The following ITPR1 variants were observed in gnomAD, a reference collection of about 807,000 sequenced individuals.
The protein encoded by ITPR1 is inositol 1,4,5-trisphosphate receptor type 1.
A neutral mutation model predicts 318.4 loss-of-function variants in ITPR1; 96 were observed. That is an observed-to-expected ratio of 0.30 (90% CI 0.26 to 0.36). ITPR1 has a LOEUF of 0.36. ITPR1 is among the 10% of genes least tolerant of loss of function. The pLI, the probability that ITPR1 is intolerant of heterozygous loss-of-function variation, is 1.00. For missense variants in ITPR1, 2,440 were observed against 3,460.2 expected, an observed-to-expected ratio of 0.71 and a Z score of 7.40; for synonymous variants, 1,312 against 1,289.9, an observed-to-expected ratio of 1.02 and a Z score of -0.37.
Position 4,779,779 on chromosome 3 carries a change from A to G in ITPR1, c.6387+134A>G. 3.6e-6 allele frequency: 2 copies of G among 556,056 alleles called. No individual in the cohort carries two copies. The highest frequency in any genetic ancestry group is 2.6e-5 in the South Asian group (1 of 38,646). The allele number at this position is 556,056 out of a possible 1,614,324, so 34.4% of individuals were successfully genotyped here. A position where few individuals can be genotyped will look rare whatever the true frequency, so the allele number is the denominator to read the frequency against. ...GAAGTATAAAGGGAACATTGAATTC[A>G]GGCCTCTGACTGAGTAGAGAAGTGA... On this transcript the variant is annotated intron_variant, in intron 49 of 61. Transcript: ENST00000649015. This position sits in a 1 kb window ranked among gnomAD's most constrained non-coding sequence, Gnocchi z 4.0.
chr3:4,793,481 C>T (rs1175410401), intron 52 of ITPR1, among the ~76,000 whole-genome samples: 1 of 152,260 alleles, frequency 6.6e-6, no homozygotes, highest in East Asian at 1.9e-4. Flanking sequence ...TTCATCTCTT[C>T]TGTCCTCTTC....
chr3:4,679,249 G>A (rs1328392368), intron 24 of ITPR1, among the ~76,000 whole-genome samples: 1 of 152,196 alleles, frequency 6.6e-6, no homozygotes, highest in Non-Finnish European at 1.5e-5. Flanking sequence ...GTGTGTTAGC[G>A]CTCTCCAGAG....
intron 44 of ITPR1, among the ~76,000 whole-genome samples, chr3:4,762,014 C>T (rs1041456122): frequency 1.3e-5 from 2 of 151,958 alleles, no homozygotes. Flanking sequence ...CCCTGAGGGC[C>T]CTCTGCCTCC....
chr3:4,830,683 T>C (rs1246358826), intron 60 of ITPR1, among the ~76,000 whole-genome samples: 2 of 152,158 alleles, frequency 1.3e-5, no homozygotes, highest in Non-Finnish European at 2.9e-5. Flanking sequence ...AACATCCAGT[T>C]TGTCTTCCTG....
intron 40 of ITPR1, among the ~76,000 whole-genome samples, chr3:4,722,315 A>C (rs7643344): frequency 6.6e-6 from 1 of 152,060 alleles, no homozygotes; most frequent in Non-Finnish European, 1.5e-5. Flanking sequence ...TCGCCTGCTG[A>C]TGTGTGAGAT....
rs376601009 is a variant in ITPR1, at chr3:4,698,270, T to TTGAC, written c.4407+1001_4407+1004dup. Reference sequence around the variant, plus strand: ...AATCCTAGAATGTGGTATTTTCTGCTTGACTGTATGATTACTAGTGTGAGA... The same window carrying TTGAC: ...AATCCTAGAATGTGGTATTTTCTGCTTGACTGACTGTATGATTACTAGTGTGAGA... On this transcript the variant is annotated intron_variant, in intron 34 of 61. Coordinates refer to ENST00000649015, the MANE Select transcript of ITPR1 (RefSeq NM_001378452.1). Among the ~76,000 whole-genome samples, 390 of 142,118 alleles carry TTGAC rather than the reference T, an allele frequency of 2.7e-3. 5 individuals carry two copies. The highest frequency in any genetic ancestry group is 9.9e-3 in the African/African-American group (374 of 37,712). The allele number at this position is 142,118 out of a possible 152,430, so 93.2% of individuals were successfully genotyped here.
At chr3:4,723,851 CTA>C (rs892254746) in intron 40 of ITPR1, among the ~76,000 whole-genome samples, 80 of 152,132 alleles carry the variant, frequency 5.3e-4, no homozygotes, top group African/African-American at 1.9e-3. Flanking sequence ...ATACTTCTGT[CTA>C]TATCTCTGTC....
chr3:4,535,444 T>TA (rs1352419484), intron 4 of ITPR1, among the ~76,000 whole-genome samples: 4 of 130,568 alleles, frequency 3.1e-5, no homozygotes, highest in African/African-American at 1.2e-4. Flanking sequence ...TTTTTTTAAT[T>TA]TTTTTTTTTT....
intron 55 of ITPR1, among the ~76,000 whole-genome samples, chr3:4,809,768 AT>A (rs1465693813): frequency 2.6e-5 from 4 of 152,194 alleles, no homozygotes; most frequent in Non-Finnish European, 5.9e-5. Context: ...AGCCTGTGTA[AT>A]CTCTGCGGTC....
intron 16 of ITPR1, among the ~76,000 whole-genome samples, chr3:4,663,733 A>T (rs71313830): frequency 2.0e-5 from 3 of 152,218 alleles, no homozygotes; most frequent in Non-Finnish European, 2.9e-5. Flanking sequence ...TAAATGTATG[A>T]TGCCATTTAG....
rs745515101 is a variant in ITPR1 at position 4,683,818 on chromosome 3, T to C, written c.3498+20T>C. ...ACGGAGGTGAGTGAAACACAAGTTATGCTGCCAAAGTGGATGGATGGGCTT... is the reference window on the plus strand; with the variant it reads ...ACGGAGGTGAGTGAAACACAAGTTACGCTGCCAAAGTGGATGGATGGGCTT... On this transcript the variant is annotated intron_variant, in intron 28 of 61. Transcript: ENST00000649015. The C allele has an allele frequency of 1.2e-5, 19 of 1,608,468 alleles. No homozygotes were observed. In the South Asian group the frequency reaches 1.4e-4, roughly 12 times the overall value.
intron 60 of ITPR1, among the ~76,000 whole-genome samples, chr3:4,819,496 C>A (rs2049538865): frequency 6.6e-6 from 1 of 152,202 alleles, no homozygotes; most frequent in Non-Finnish European, 1.5e-5. Context: ...CCGGGAATCA[C>A]CCTTTAAGTA....
intron 44 of ITPR1, among the ~76,000 whole-genome samples, chr3:4,755,851 A>G (rs1178331021): frequency 6.6e-6 from 1 of 152,176 alleles, no homozygotes; most frequent in Non-Finnish European, 1.5e-5. Flanking sequence ...TTTCAGACAA[A>G]TGAAATTGAA....
Position 4,668,553 on chromosome 3 carries a change from C to T in ITPR1, c.1886+1004C>T, listed in dbSNP as rs141585519. Among the ~76,000 whole-genome samples, 1,145 of 152,110 alleles carry T rather than the reference C, an allele frequency of 7.5e-3. 19 individuals carry two copies. Among genetic ancestry groups the T allele is most frequent in the African/African-American group, 0.025 (1,048 of 41,472 alleles). ...CGAGATCTCAGCTCACTGCAACCTCCGCCTCCCGGGTTCAAGCAATTGTTC... is the reference window on the plus strand; with the variant it reads ...CGAGATCTCAGCTCACTGCAACCTCTGCCTCCCGGGTTCAAGCAATTGTTC... On this transcript the variant is annotated intron_variant, in intron 18 of 61. Coordinates refer to ENST00000649015, the MANE Select transcript of ITPR1 (RefSeq NM_001378452.1).
At chr3:4,664,450 C>T (rs979782944) in intron 16 of ITPR1, among the ~76,000 whole-genome samples, 5 of 152,208 alleles carry the variant, frequency 3.3e-5, no homozygotes, top group African/African-American at 4.8e-5. Context: ...AGTTACAAGT[C>T]CCACTGGTCC....
chr3:4,684,403 T>C, intron 29 of ITPR1, 57 bp downstream of exon 29: 1 of 1,209,694 alleles, frequency 8.3e-7, no homozygotes, highest in South Asian at 1.3e-5. Flanking sequence ...TAAGGAGCTT[T>C]AGTTTGTGAT....
chr3:4,532,470 T>A (rs2083496787), intron 4 of ITPR1, among the ~76,000 whole-genome samples: 1 of 151,892 alleles, frequency 6.6e-6, no homozygotes, highest in Non-Finnish European at 1.5e-5. Context: ...GCTTAAGTGA[T>A]CTTCCCCCCT....
intron 35 of ITPR1, among the ~76,000 whole-genome samples, chr3:4,701,964 A>G (rs1393210779): frequency 2.0e-5 from 3 of 151,916 alleles, no homozygotes; most frequent in African/African-American, 7.3e-5. Context: ...TTTTTTCTTT[A>G]CTATATTAAC....
chr3:4,584,424 G>A (rs1056465683), intron 4 of ITPR1, among the ~76,000 whole-genome samples: 2 of 152,094 alleles, frequency 1.3e-5, no homozygotes, highest in African/African-American at 4.8e-5. Flanking sequence ...AAGTTTACAG[G>A]CCCCCCAGTC....
Sources: gnomAD v4.1 joint callset for allele counts (sites outside exome capture counted in the v4.1 genomes callset) on GRCh38, gnomAD v4.1.1 for gene constraint, Gnocchi (gnomAD v3.1) non-coding constraint, MANE v1.5 for transcripts, NCBI Gene and HGNC (gene_info 2026-07-23, HGNC 2026-07-21) for gene names.